The following MAP2K6 variants were observed in gnomAD, a reference collection of about 807,000 sequenced individuals.
The protein encoded by MAP2K6 is mitogen-activated protein kinase kinase 6.
In MAP2K6, 16 loss-of-function variants were observed where a neutral mutation model predicts 53.7. The ratio of observed to expected loss-of-function variants is 0.30; its 90% CI spans 0.20 to 0.45. The LOEUF (loss-of-function observed/expected upper bound fraction) is 0.45. Among genes scored for constraint, MAP2K6 ranks in the 20% least tolerant of loss-of-function variants. The probability of loss-of-function intolerance (pLI) is 1.00; values close to 1 mark genes in which losing one functional copy is unlikely to be tolerated. For synonymous variants in MAP2K6, 132 were observed against 143.1 expected (o/e 0.92, Z 0.55); for missense variants, 204 against 411.9 (o/e 0.50, Z 4.37).
chr17:69,517,005 T>A, intron 3 of MAP2K6, 102 bp downstream of exon 3: 1 of 920,740 alleles, frequency 1.1e-6, no homozygotes, highest in Non-Finnish European at 1.7e-6. Context: ...AGGGGATGAG[T>A]CAAAAAAAGT....
At chr17:69,455,180 G>A (rs1907364108) in intron 1 of MAP2K6, among the ~76,000 whole-genome samples, 1 of 152,082 alleles carries the variant, frequency 6.6e-6, no homozygotes, top group Non-Finnish European at 1.5e-5. Flanking sequence ...TTTAGTGAGG[G>A]ATAATGGAAA....
At chr17:69,421,987 C>G (rs1054996372) in intron 1 of MAP2K6, among the ~76,000 whole-genome samples, 1 of 152,096 alleles carries the variant, frequency 6.6e-6, no homozygotes, top group South Asian at 2.1e-4. Flanking sequence ...GCTTGTACCC[C>G]ACTCTGTCTC....
At chr17:69,431,016 A>G (rs1906445901) in intron 1 of MAP2K6, among the ~76,000 whole-genome samples, 1 of 152,196 alleles carries the variant, frequency 6.6e-6, no homozygotes, top group Non-Finnish European at 1.5e-5. Flanking sequence ...ATTTTTATTT[A>G]TGAGAATCTA....
At chr17:69,415,025 C>T (rs1311166826) in intron 1 of MAP2K6, 25 bp downstream of exon 1, 9 of 1,533,902 alleles carry the variant, frequency 5.9e-6, no homozygotes, top group African/African-American at 4.1e-5. Flanking sequence ...GCATTAGTTG[C>T]AAAAATGCAA....
At chr17:69,463,017 T>C (rs1473171997) in intron 1 of MAP2K6, among the ~76,000 whole-genome samples, 1 of 146,594 alleles carries the variant, frequency 6.8e-6, no homozygotes, top group East Asian at 2.1e-4. Context: ...GATAAATCCA[T>C]ACGGTCAGGA....
At chr17:69,529,973 A>C (rs1242782058) in intron 10 of MAP2K6, among the ~76,000 whole-genome samples, 1 of 152,038 alleles carries the variant, frequency 6.6e-6, no homozygotes, top group Non-Finnish European at 1.5e-5. Flanking sequence ...ATTTTCTTTT[A>C]ATTTTAATCC....
intron 2 of MAP2K6, among the ~76,000 whole-genome samples, chr17:69,506,921 C>T (rs1909522815): frequency 1.3e-5 from 2 of 152,024 alleles, no homozygotes; most frequent in Non-Finnish European, 2.9e-5. Context: ...TCCGTCTTCC[C>T]ATACTTGCTG....
intron 1 of MAP2K6, among the ~76,000 whole-genome samples, chr17:69,459,998 C>CT (rs1306525798): frequency 6.6e-6 from 1 of 151,060 alleles, no homozygotes; most frequent in East Asian, 2.0e-4. Flanking sequence ...CCCTCCCTCC[C>CT]TTTCTTCTTT....
rs1231307475 is a variant in MAP2K6 at position 69,539,705 on chromosome 17, G to A, written c.928-1971G>A. Among the ~76,000 whole-genome samples the A allele has an allele frequency of 2.0e-5, 3 of 152,102 alleles. No individual in the cohort carries two copies. In the East Asian group the frequency reaches 5.8e-4, roughly 29 times the overall value. On this transcript the variant is annotated intron_variant, in intron 11 of 11. Coordinates refer to ENST00000590474, the MANE Select transcript of MAP2K6 (RefSeq NM_002758.4). Reference sequence around the variant, plus strand: ...GCTAATAGCCACTAGCAGAACAAAAGGCAAGGTGGGGCTGGCAGGTGTTGG... The same window carrying A: ...GCTAATAGCCACTAGCAGAACAAAAAGCAAGGTGGGGCTGGCAGGTGTTGG...
Position 69,520,374 on chromosome 17 carries a change from A to G in MAP2K6, c.471A>G (p.Lys157=), listed in dbSNP as rs761992405. 18 of 1,597,520 alleles carry G rather than the reference A, an allele frequency of 1.1e-5. No individual in the cohort carries two copies. The highest frequency in any genetic ancestry group is 1.5e-5 in the Non-Finnish European group (18 of 1,169,440). ...CAATTCCAGAGGACATCTTAGGGAA[A>G]ATAGCAGTTTCTGTGAGTACATTTT... ...GQTIPEDILG[K]IAVSIVKALE... is the part of the protein sequence containing the mutation. Residue 157 remains lysine (K), a synonymous_variant, in exon 6 of 12, where the codon AAA becomes AAG. Transcript: ENST00000590474.
intron 1 of MAP2K6, among the ~76,000 whole-genome samples, chr17:69,490,150 G>C (rs1482027890): frequency 6.6e-6 from 1 of 152,204 alleles, no homozygotes; most frequent in Non-Finnish European, 1.5e-5. Flanking sequence ...AGGAATTTCA[G>C]GCCTGGGGAA....
In MAP2K6 at chr17:69,502,333, T is replaced by A. The variant is rs576703277; in HGVS notation, c.17-3447T>A. 7.1e-6 allele frequency: 7 copies of A among 985,498 alleles called. No individual in the cohort carries two copies. The African/African-American group carries it at 1.2e-4, about 17-fold the overall frequency. 61.0% of individuals were successfully genotyped at this position (985,498 alleles called of 1,614,324 possible). A position where few individuals can be genotyped will look rare whatever the true frequency, so the allele number is the denominator to read the frequency against. Reference sequence around the variant, plus strand: ...GAATGACTTCTGTTAGGTTTTCCTCTGCTGGTCTTCCTTGCAGCCTCGAAA... The same window carrying A: ...GAATGACTTCTGTTAGGTTTTCCTCAGCTGGTCTTCCTTGCAGCCTCGAAA... On this transcript the variant is annotated intron_variant, in intron 1 of 11. Transcript: ENST00000590474.
intron 2 of MAP2K6, among the ~76,000 whole-genome samples, chr17:69,510,550 T>C (rs1909758332): frequency 6.6e-6 from 1 of 152,166 alleles, no homozygotes; most frequent in South Asian, 2.1e-4. Flanking sequence ...TATTTGGATG[T>C]TTGCTAAAAT....
chr17:69,447,296 A>G (rs1296844887), intron 1 of MAP2K6, among the ~76,000 whole-genome samples: 1 of 151,356 alleles, frequency 6.6e-6, no homozygotes, highest in African/African-American at 2.4e-5. Context: ...TGTTTCTTAC[A>G]TACAAAACAG....
At chr17:69,473,919 C>G (rs1908058040) in intron 1 of MAP2K6, among the ~76,000 whole-genome samples, 1 of 152,218 alleles carries the variant, frequency 6.6e-6, no homozygotes, top group Non-Finnish European at 1.5e-5. Context: ...GCCAGACTTT[C>G]TGAATGCAGC....
At chr17:69,536,215 G>A (rs1911350787) in intron 11 of MAP2K6, 55 bp downstream of exon 11, 1 of 1,296,626 alleles carries the variant, frequency 7.7e-7, no homozygotes, top group African/African-American at 1.5e-5. Context: ...AAAAGGCAAA[G>A]TCACTAAGAC....
intron 1 of MAP2K6, among the ~76,000 whole-genome samples, chr17:69,491,214 G>T (rs186184301): frequency 5.0e-4 from 75 of 151,034 alleles, no homozygotes; most frequent in African/African-American, 1.8e-3. Context: ...CACCATCTTG[G>T]CTCACTGCAA....
intron 1 of MAP2K6, among the ~76,000 whole-genome samples, chr17:69,431,571 T>C (rs931282795): frequency 6.6e-5 from 10 of 152,212 alleles, no homozygotes; most frequent in Non-Finnish European, 1.0e-4. Context: ...AGTAAGAGTC[T>C]GCGTTAAGGA....
chr17:69,541,150 C>A (rs900750759), intron 11 of MAP2K6, among the ~76,000 whole-genome samples: 1 of 152,156 alleles, frequency 6.6e-6, no homozygotes, highest in African/African-American at 2.4e-5. Flanking sequence ...GTAATCCCAG[C>A]TACTCGGGAG....
Sources: gnomAD v4.1 joint callset for allele counts (sites outside exome capture counted in the v4.1 genomes callset) on GRCh38, gnomAD v4.1.1 for gene constraint, MANE v1.5 for transcripts, NCBI Gene and HGNC (gene_info 2026-07-23, HGNC 2026-07-21) for gene names.